The following MAPKAPK5 variants were observed in gnomAD, a reference collection of about 807,000 sequenced individuals.
The protein encoded by MAPKAPK5 is MAPK activated protein kinase 5.
MAPKAPK5 carries 30 observed loss-of-function variants against 65.1 expected under a neutral mutation model. That is an observed-to-expected ratio of 0.46 (90% confidence interval 0.34 to 0.63). The LOEUF is 0.63. Ranked by LOEUF, MAPKAPK5 falls within the 20% of genes least tolerant of loss-of-function variation. The pLI is 0.01. For missense variants in MAPKAPK5, 433 were observed against 581.4 expected (o/e 0.74, Z 2.63); for synonymous variants, 179 against 204.6 (o/e 0.87, Z 1.07).
At chr12:111,843,435 C>CT (rs200989666) in intron 1 of MAPKAPK5, 23,516 of 314,062 alleles carry the variant, frequency 0.075, 73 homozygotes, top group East Asian at 0.12. Flanking sequence ...CTGTTTTTAA[C>CT]TTTTTTTTTT....
At chr12:111,845,460 G>A (rs2068877348) in intron 1 of MAPKAPK5, among the ~76,000 whole-genome samples, 1 of 151,962 alleles carries the variant, frequency 6.6e-6, no homozygotes, top group East Asian at 1.9e-4. Flanking sequence ...CCAGCCCAGC[G>A]TTTCTATTTT....
In MAPKAPK5 at chr12:111,889,439, T is replaced by C. The variant is rs541808803; in HGVS notation, c.1216+439T>C. On this transcript the variant is annotated intron_variant, in intron 12 of 13. Transcript: ENST00000550735. The stretch of plus-strand genomic sequence containing the variant: ...ATAAATAAGAGAATACCTCCTTAGT[T>C]CAGAAGTGGCTCCTGCTGCTACTCA... 161 of 171,750 alleles carry C rather than the reference T, an allele frequency of 9.4e-4. 3 individuals carry two copies. The highest frequency in any genetic ancestry group is 3.1e-3 in the Middle Eastern group (1 of 326). 10.6% of individuals were successfully genotyped at this position (171,750 alleles called of 1,614,324 possible).
At chr12:111,891,291 G>A (rs1436842956) in intron 13 of MAPKAPK5, among the ~76,000 whole-genome samples, 1 of 149,576 alleles carries the variant, frequency 6.7e-6, no homozygotes, top group Non-Finnish European at 1.5e-5. Context: ...TAGTGGAGAC[G>A]GGGTTTCACC....
chr12:111,846,974 A>G (rs2068924768), intron 1 of MAPKAPK5, among the ~76,000 whole-genome samples: 1 of 152,116 alleles, frequency 6.6e-6, no homozygotes, highest in Admixed American at 6.6e-5. Flanking sequence ...CTACTATCCA[A>G]GATTTCAGGC....
chr12:111,844,379 G>C (rs1450627127), intron 1 of MAPKAPK5, among the ~76,000 whole-genome samples: 1 of 151,648 alleles, frequency 6.6e-6, no homozygotes, highest in Non-Finnish European at 1.5e-5. Context: ...TTTTAGTAGA[G>C]GTGGGGTTTC....
At position 111,900,752 on chromosome 12, in the gene MAPKAPK5, C is replaced by CTG; in HGVS notation, c.*7694_*7695dup. On this transcript the variant is annotated 3_prime_UTR_variant, in exon 14 of 14. Coordinates refer to ENST00000550735, the MANE Select transcript of MAPKAPK5 (RefSeq NM_003668.4). The stretch of plus-strand genomic sequence containing the variant: ...ATCCTTGCTGTCCTTCTAGTCGTTC[C>CTG]TGTGATCTCCCAGAATTTTGCAATG... 2.2e-6 allele frequency: 1 copy of CTG among 456,084 alleles called. No homozygotes were observed. The highest frequency in any genetic ancestry group is 4.4e-6 in the Non-Finnish European group (1 of 226,786). 28.3% of individuals were successfully genotyped at this position (456,084 alleles called of 1,614,324 possible).
Position 111,865,287 on chromosome 12 carries a change from C to T in MAPKAPK5, c.74C>T (p.Thr25Ile). Residue 25 changes from threonine to isoleucine, a missense_variant, in exon 2 of 14, where the codon ACT (threonine) becomes ATT (isoleucine). Coordinates refer to ENST00000550735, the MANE Select transcript of MAPKAPK5 (RefSeq NM_003668.4). ...SILEEYSINWTQKLGAGISGP... is the reference protein window; with the variant it reads ...SILEEYSINWIQKLGAGISGP... ...TTAGAAGAATACAGTATCAATTGGA[C>T]TCAGAAGCTGGGAGCTGGAATTAGT... 1.3e-6 allele frequency: 2 copies of T among 1,592,836 alleles called. No homozygotes were observed. Among genetic ancestry groups the T allele is most frequent in the South Asian group, 2.3e-5 (2 of 87,456 alleles).
At position 111,883,431 on chromosome 12, in the gene MAPKAPK5, A is replaced by G; in HGVS notation, c.661-150A>G. 1 of 616,346 alleles carries G rather than the reference A, an allele frequency of 1.6e-6. No homozygotes were observed. The highest frequency in any genetic ancestry group is 2.6e-5 in the South Asian group (1 of 39,002). 38.2% of individuals were successfully genotyped at this position (616,346 alleles called of 1,614,324 possible). ...TATGGAGATAAAGACTAGTTCTCCT[A>G]AGACTTCCTTCAGCTTTCCTAGTCT... On this transcript the variant is annotated intron_variant, in intron 8 of 13. Coordinates refer to ENST00000550735, the MANE Select transcript of MAPKAPK5 (RefSeq NM_003668.4). The surrounding 1 kb of genome is among the most constrained non-coding windows in gnomAD (Gnocchi z 4.8).
chr12:111,842,503 C>G lies in MAPKAPK5; in HGVS notation c.-231C>G, dbSNP rs2068746299. 1 of 343,872 alleles carries G rather than the reference C, an allele frequency of 2.9e-6. No homozygotes were observed. The highest frequency in any genetic ancestry group is 2.1e-5 in the African/African-American group (1 of 46,732). 21.3% of individuals were successfully genotyped at this position (343,872 alleles called of 1,614,324 possible). Reference sequence around the variant, plus strand: ...GCCGCGTGGGGCCCAGCACAAAGACCTGTCCCCAGGGGCCGCCGCCTCCGC... The same window carrying G: ...GCCGCGTGGGGCCCAGCACAAAGACGTGTCCCCAGGGGCCGCCGCCTCCGC... On this transcript the variant is annotated 5_prime_UTR_variant, in exon 1 of 14. Coordinates refer to ENST00000550735, the MANE Select transcript of MAPKAPK5 (RefSeq NM_003668.4).
intron 1 of MAPKAPK5, among the ~76,000 whole-genome samples, chr12:111,848,168 CA>C (rs1222037597): frequency 2.0e-5 from 3 of 152,122 alleles, no homozygotes; most frequent in African/African-American, 7.2e-5. Flanking sequence ...AACTGTTTTC[CA>C]AAGTGGTTGT....
chr12:111,884,676 G>A (rs1368223573), intron 9 of MAPKAPK5, among the ~76,000 whole-genome samples: 1 of 152,172 alleles, frequency 6.6e-6, no homozygotes, highest in Admixed American at 6.5e-5. Flanking sequence ...GGGAGGCTGG[G>A]TGCCCATGGA....
intron 1 of MAPKAPK5, among the ~76,000 whole-genome samples, chr12:111,844,328 C>T (rs2068836487): frequency 6.6e-6 from 1 of 151,750 alleles, no homozygotes; most frequent in Admixed American, 6.6e-5. Context: ...GTAGCTGGGA[C>T]TACAGGCACG....
At chr12:111,845,375 C>T (rs1414710471) in intron 1 of MAPKAPK5, among the ~76,000 whole-genome samples, 5 of 152,054 alleles carry the variant, frequency 3.3e-5, no homozygotes, top group Non-Finnish European at 5.9e-5. Flanking sequence ...AGGCTGGTCT[C>T]GAACTCCTGA....
At chr12:111,850,353 G>A (rs1268336503) in intron 1 of MAPKAPK5, among the ~76,000 whole-genome samples, 1 of 152,172 alleles carries the variant, frequency 6.6e-6, no homozygotes, top group Non-Finnish European at 1.5e-5. Flanking sequence ...TCATATTGAA[G>A]ATGCAGCTTT....
chr12:111,892,993 C>T lies in MAPKAPK5; in HGVS notation c.1348C>T (p.Arg450Ter), dbSNP rs1010565030. 1 of 1,579,370 alleles carries T rather than the reference C, an allele frequency of 6.3e-7. No individual in the cohort carries two copies. Among genetic ancestry groups the T allele is most frequent in the Non-Finnish European group, 8.6e-7 (1 of 1,162,126 alleles). Residue 450 changes from arginine (R) to a stop codon, truncating the protein, a stop_gained, in exon 14 of 14, where the codon CGA becomes TGA. Coordinates refer to ENST00000550735, the MANE Select transcript of MAPKAPK5 (RefSeq NM_003668.4). LOFTEE classifies it high-confidence loss of function. ...TCGTGGATTCACAGATAAAGTAGAT[C>T]GACTAAAACTGGCAGAAATTGTGAA... The part of the protein sequence containing the change: ...NGRGFTDKVD[R>*]LKLAEIVKQV...
intron 3 of MAPKAPK5, 111 bp from the exon 4 acceptor site, chr12:111,867,461 C>A: frequency 1.4e-6 from 1 of 699,664 alleles, no homozygotes; most frequent in Non-Finnish European, 2.5e-6. Flanking sequence ...TTACATCATT[C>A]TAAGTGATAA....
rs1263034832 is a variant in MAPKAPK5, at chr12:111,898,369, A to G, written c.*5308A>G. ...TTTTTAGTAGGGACAGGGTTTCACC[A>G]TGCTGGCCAGGCTGGTCTCGAACTC... On this transcript the variant is annotated 3_prime_UTR_variant, in exon 14 of 14. Coordinates refer to ENST00000550735, the MANE Select transcript of MAPKAPK5 (RefSeq NM_003668.4). 6.6e-6 allele frequency: 1 copy of G among 152,142 alleles called. No individual in the cohort carries two copies. The highest frequency in any genetic ancestry group is 1.5e-5 in the Non-Finnish European group (1 of 68,072). 9.4% of individuals were successfully genotyped at this position (152,142 alleles called of 1,614,324 possible). A position where few individuals can be genotyped will look rare whatever the true frequency, so the allele number is the denominator to read the frequency against.
intron 7 of MAPKAPK5, among the ~76,000 whole-genome samples, chr12:111,875,998 G>C (rs2069950046): frequency 6.6e-6 from 1 of 151,928 alleles, no homozygotes; most frequent in South Asian, 2.1e-4. Context: ...TTGAGGTCAG[G>C]GGTTCAAGAC....
chr12:111,888,863 C>CCCCTCCCTCAAACTCTTAAAG (rs747672264), intron 11 of MAPKAPK5, 22 bp from the exon 12 acceptor site: 2 of 1,611,146 alleles, frequency 1.2e-6, no homozygotes, highest in Admixed American at 3.3e-5. Flanking sequence ...GTTGTCATTA[C>CCCCTCCCTCAAACTCTTAAAG]CCCTCCCTCA....
Sources: gnomAD v4.1 joint callset for allele counts (sites outside exome capture counted in the v4.1 genomes callset) on GRCh38, gnomAD v4.1.1 for gene constraint, Gnocchi (gnomAD v3.1) non-coding constraint, MANE v1.5 for transcripts, NCBI Gene and HGNC (gene_info 2026-07-23, HGNC 2026-07-21) for gene names.